SLC9C2: variants seen among roughly 807,000 people sequenced by gnomAD.
The protein encoded by SLC9C2 is solute carrier family 9 member C2 (putative).
In SLC9C2, 75 loss-of-function variants were observed where a neutral mutation model predicts 140.2. That is an observed-to-expected ratio of 0.53 (90% CI 0.44 to 0.65). The LOEUF (loss-of-function observed/expected upper bound fraction) is 0.65, where lower values mean the gene tolerates loss of function less well. SLC9C2 is among the 30% of genes least tolerant of loss of function. The pLI, the probability that SLC9C2 is intolerant of heterozygous loss-of-function variation, is 0.00. For missense variants in SLC9C2, 1,074 were observed against 1,331.8 expected, an observed-to-expected ratio of 0.81 and a Z score of 3.01; for synonymous variants, 375 against 420.9, an observed-to-expected ratio of 0.89 and a Z score of 1.34.
intron 1 of SLC9C2, 145 bp from the exon 2 acceptor site, chr1:173,602,000 C>T: frequency 2.0e-6 from 1 of 502,274 alleles, no homozygotes; most frequent in South Asian, 2.6e-5. Context: ...CTACCCCTTG[C>T]TCCAAGAACA....
intron 26 of SLC9C2, among the ~76,000 whole-genome samples, chr1:173,504,894 T>C (rs16846025): frequency 0.056 from 8,602 of 152,276 alleles, 848 homozygotes; most frequent in African/African-American, 0.2. Context: ...CAGTTCCCCA[T>C]ACCTGGGCTC....
At chr1:173,519,876 C>T (rs900418217) in intron 22 of SLC9C2, among the ~76,000 whole-genome samples, 3 of 152,040 alleles carry the variant, frequency 2.0e-5, no homozygotes, top group East Asian at 1.9e-4. Flanking sequence ...TGGCCTGGTT[C>T]GGTGGCTCAC....
At chr1:173,534,814 A>G (rs1054944116) in intron 15 of SLC9C2, 132 bp from the exon 16 acceptor site, 102 of 716,600 alleles carry the variant, frequency 1.4e-4, no homozygotes, top group Non-Finnish European at 1.9e-4. Flanking sequence ...GTAAGCAAAA[A>G]TCAAAAGCAT....
At chr1:173,528,277 G>A (rs1390864029) in intron 18 of SLC9C2, among the ~76,000 whole-genome samples, 2 of 152,150 alleles carry the variant, frequency 1.3e-5, no homozygotes, top group African/African-American at 4.8e-5. Context: ...ATCTTTACTG[G>A]TGCTTCTTTC....
At chr1:173,565,633 A>G (rs779529609) in intron 9 of SLC9C2, among the ~76,000 whole-genome samples, 1 of 152,188 alleles carries the variant, frequency 6.6e-6, no homozygotes, top group Non-Finnish European at 1.5e-5. Flanking sequence ...ATTTGAAGTT[A>G]AGTAATGTGA....
intron 22 of SLC9C2, among the ~76,000 whole-genome samples, 154 bp from the exon 23 acceptor site, chr1:173,517,858 T>C (rs1245756667): frequency 6.6e-6 from 1 of 151,974 alleles, no homozygotes; most frequent in African/African-American, 2.4e-5. Flanking sequence ...GAAAAAAAAA[T>C]CATGATTTCT....
Position 173,595,347 on chromosome 1 carries a change from C to T in SLC9C2, c.357+2557G>A, listed in dbSNP as rs148723878. Among the ~76,000 whole-genome samples, 13 of 152,208 alleles carry T rather than the reference C, an allele frequency of 8.5e-5. No homozygotes were observed. The East Asian group carries it at 2.5e-3, about 29-fold the overall frequency. On this transcript the variant is annotated intron_variant, in intron 4 of 27. Coordinates refer to ENST00000367714, the MANE Select transcript of SLC9C2 (RefSeq NM_178527.4). Reference sequence around the variant, plus strand: ...ATTCATTCTAGCCCACTGGAGGGCTCCAGGCAGAAAGAGAGGTAAAGCAAA... The same window carrying T: ...ATTCATTCTAGCCCACTGGAGGGCTTCAGGCAGAAAGAGAGGTAAAGCAAA...
At chr1:173,508,661 T>C (rs1056844064) in intron 24 of SLC9C2, among the ~76,000 whole-genome samples, 1 of 152,224 alleles carries the variant, frequency 6.6e-6, no homozygotes, top group East Asian at 1.9e-4. Context: ...CCAATATTTA[T>C]TTATACCCAG....
intron 19 of SLC9C2, among the ~76,000 whole-genome samples, chr1:173,525,552 C>T (rs1184245335): frequency 6.6e-6 from 1 of 152,214 alleles, no homozygotes; most frequent in African/African-American, 2.4e-5. Context: ...TACACCTGGG[C>T]TAGAAACCTG....
At chr1:173,556,057 G>A (rs576659574) in intron 10 of SLC9C2, among the ~76,000 whole-genome samples, 2 of 152,328 alleles carry the variant, frequency 1.3e-5, no homozygotes, top group African/African-American at 4.8e-5. Flanking sequence ...AACAAACTCT[G>A]TACATCTACC....
In SLC9C2 at chr1:173,504,285, C is replaced by G. The variant is rs186988549; in HGVS notation, c.3311-959G>C. On this transcript the variant is annotated intron_variant, in intron 26 of 27. Coordinates refer to ENST00000367714, the MANE Select transcript of SLC9C2 (RefSeq NM_178527.4). ...TGCTGCCAAGGGAAAAGCTTAATTA[C>G]TTATTGAATATCTGTCTCTCCTCCC... 2.8e-3 allele frequency among the ~76,000 whole-genome samples: 434 copies of G among 152,292 alleles called. 1 individual carries two copies. Among genetic ancestry groups the G allele is most frequent in the Non-Finnish European group, 4.9e-3 (330 of 68,026 alleles).
chr1:173,571,815 T>C (rs1160891661), intron 9 of SLC9C2: 1 of 152,222 alleles, frequency 6.6e-6, no homozygotes, highest in Non-Finnish European at 1.5e-5. Flanking sequence ...TTTTCATGTT[T>C]TAATTTTATT....
At chr1:173,522,918 T>G (rs1660928161) in intron 21 of SLC9C2, among the ~76,000 whole-genome samples, 1 of 152,216 alleles carries the variant, frequency 6.6e-6, no homozygotes, top group African/African-American at 2.4e-5. Flanking sequence ...CACATCTCTC[T>G]TCAAATGTCA....
chr1:173,502,100 T>C (rs1000357842), intron 27 of SLC9C2, among the ~76,000 whole-genome samples: 1 of 151,734 alleles, frequency 6.6e-6, no homozygotes, highest in East Asian at 1.9e-4. Context: ...GGTGAAACCC[T>C]GTCACTACTA....
In SLC9C2 at chr1:173,547,754, T is replaced by C. The variant is rs767499571; in HGVS notation, c.1492A>G (p.Thr498Ala). Residue 498 changes from threonine to alanine, a missense_variant, in exon 13 of 28, where the codon ACA (threonine) becomes GCA (alanine). Transcript: ENST00000367714. ...AAAGCTTCATCTGTTGTGGATTCTG[T>C]CTTCATATCATTATGTGAAACGTGG... is the stretch of plus-strand genomic sequence containing the variant. ...FSHVSHNDMK[T>A]ESTTDEALME... 6.2e-7 allele frequency: 1 copy of C among 1,612,322 alleles called. No homozygotes were observed.
intron 13 of SLC9C2, among the ~76,000 whole-genome samples, chr1:173,547,443 G>A (rs1352543132): frequency 6.7e-6 from 1 of 150,276 alleles, no homozygotes; most frequent in Non-Finnish European, 1.5e-5. Flanking sequence ...TATTCTAAGG[G>A]CCCTCAAAAG....
chr1:173,579,321 A>G (rs1386891946), intron 7 of SLC9C2, among the ~76,000 whole-genome samples: 1 of 152,156 alleles, frequency 6.6e-6, no homozygotes, highest in Non-Finnish European at 1.5e-5. Context: ...TAACTTTGTG[A>G]GCAGGTTGCT....
intron 12 of SLC9C2, 48 bp downstream of exon 12, chr1:173,548,341 G>A (rs1663001297): frequency 6.4e-7 from 1 of 1,564,282 alleles, no homozygotes; most frequent in Admixed American, 1.8e-5. Context: ...AAGTGAGGCA[G>A]ACCAAGGGAA....
intron 27 of SLC9C2, among the ~76,000 whole-genome samples, chr1:173,501,418 CTT>C (rs1344904293): frequency 6.7e-6 from 1 of 149,880 alleles, no homozygotes; most frequent in East Asian, 2.0e-4. Flanking sequence ...CTATTGGAAA[CTT>C]TTTTTGTAAA....
Sources: allele counts gnomAD v4.1 joint callset (sites outside exome capture counted in the v4.1 genomes callset), GRCh38; gene constraint gnomAD v4.1.1; transcripts MANE v1.5; gene names NCBI Gene and HGNC (gene_info 2026-07-23, HGNC 2026-07-21).